IFIH1: variants seen among roughly 807,000 people sequenced by gnomAD.
IFIH1 encodes interferon-induced helicase C domain-containing protein 1.
Under a neutral mutation model 107.4 loss-of-function variants are expected in IFIH1, and 125 were observed. That is an observed-to-expected ratio of 1.16 (90% CI 1.01 to 1.35). The LOEUF (loss-of-function observed/expected upper bound fraction) is 1.35. Among genes scored for constraint, IFIH1 ranks in the 40% most tolerant of loss-of-function variants. The pLI, the probability that IFIH1 is intolerant of heterozygous loss-of-function variation, is 0.00. For synonymous variants in IFIH1, 458 were observed against 413.2 expected (o/e 1.11, Z -1.31); for missense variants, 1,333 against 1,213.7 (o/e 1.10, Z -1.46).
Position 162,314,405 on chromosome 2 carries a change from T to TTC in IFIH1, c.453+3448_453+3449dup, listed in dbSNP as rs1280705332. Among the ~76,000 whole-genome samples, 2 of 73,814 alleles carry TTC rather than the reference T, an allele frequency of 2.7e-5. 1 individual carries two copies. The highest frequency in any genetic ancestry group is 2.0e-4 in the African/African-American group (2 of 9,882). The allele number at this position is 73,814 out of a possible 152,430, so 48.4% of individuals were successfully genotyped here. On this transcript the variant is annotated intron_variant, in intron 1 of 15. Coordinates refer to ENST00000649979, the MANE Select transcript of IFIH1 (RefSeq NM_022168.4). ...CTCCCTCCCTCCCTCCCTCCTTTCT[T>TTC]TCTTTCTTTCTTTTCTTTCTTTCTT...
chr2:162,277,810 TG>T lies in IFIH1; in HGVS notation c.1766-118del, dbSNP rs1682729008. On this transcript the variant is annotated intron_variant, in intron 9 of 15. Transcript: ENST00000649979. The stretch of plus-strand genomic sequence containing the variant: ...AACTGGCTTCACCTTGGTTTTAAAA[TG>T]GGCAAGTTAAGGCTCAAAATGTGTC... 6 of 1,269,132 alleles carry T rather than the reference TG, an allele frequency of 4.7e-6. No homozygotes were observed. In the South Asian group the frequency reaches 7.9e-5, roughly 17 times the overall value. The allele number at this position is 1,269,132 out of a possible 1,614,324, so 78.6% of individuals were successfully genotyped here. A position where few individuals can be genotyped will look rare whatever the true frequency, so the allele number is the denominator to read the frequency against.
chr2:162,283,184 AGAAGCAACAGGCCCACAGGACCG>A (rs1162586685), intron 5 of IFIH1, among the ~76,000 whole-genome samples: 1 of 151,982 alleles, frequency 6.6e-6, no homozygotes, highest in Admixed American at 6.6e-5. Context: ...GGATTAGACC[AGAAGCAACAGGCCCACAGGACCG>A]GAAGAATCAG....
chr2:162,300,526 G>T (rs1171603715), intron 3 of IFIH1, among the ~76,000 whole-genome samples: 1 of 152,086 alleles, frequency 6.6e-6, no homozygotes, highest in Non-Finnish European at 1.5e-5. Flanking sequence ...CCTCATGCTA[G>T]GTTTCAAATA....
At chr2:162,305,059 C>A (rs571123739) in intron 3 of IFIH1, among the ~76,000 whole-genome samples, 1 of 152,182 alleles carries the variant, frequency 6.6e-6, no homozygotes, top group South Asian at 2.1e-4. Flanking sequence ...AATGGTGGGA[C>A]CATTATTTAG....
intron 4 of IFIH1, among the ~76,000 whole-genome samples, chr2:162,288,971 T>A (rs1358634632): frequency 6.7e-6 from 1 of 150,098 alleles, no homozygotes; most frequent in Non-Finnish European, 1.5e-5. Context: ...ACCCTATCTA[T>A]CTCAAGTTCC....
chr2:162,278,677 A>C (rs566702802), intron 8 of IFIH1, among the ~76,000 whole-genome samples: 3 of 152,178 alleles, frequency 2.0e-5, no homozygotes, highest in African/African-American at 7.2e-5. Context: ...TTACAGTGTA[A>C]TTTAAGAAAC....
rs570635028 is a variant in IFIH1 at position 162,311,371 on chromosome 2, G to C, written c.454-438C>G. On this transcript the variant is annotated intron_variant, in intron 1 of 15. Transcript: ENST00000649979. ...TTCAATCTATGGAGTCTGTAAATGG[G>C]AAATCAAACATTTCTTATCTCCTTT... 1.4e-4 allele frequency among the ~76,000 whole-genome samples: 21 copies of C among 151,986 alleles called. No individual in the cohort carries two copies. The South Asian group carries it at 4.4e-3, about 32-fold the overall frequency.
chr2:162,314,416 T>TTTCTTTCTTTCTTTTCTTTC (rs71009355), intron 1 of IFIH1, among the ~76,000 whole-genome samples: 11 of 51,458 alleles, frequency 2.1e-4, no homozygotes, highest in African/African-American at 1.1e-3. Flanking sequence ...TCTTTCTTTC[T>TTTCTTTCTTTCTTTTCTTTC]TTTCTTTCTT....
chr2:162,314,368 T>TCCCTCCCTCCCTCCC (rs1683433246), intron 1 of IFIH1, among the ~76,000 whole-genome samples: 2 of 88,608 alleles, frequency 2.3e-5, no homozygotes, highest in African/African-American at 9.2e-5. Context: ...TCTTCCTTCC[T>TCCCTCCCTCCCTCCC]TCCCTCCCTC....
intron 4 of IFIH1, among the ~76,000 whole-genome samples, chr2:162,289,781 G>A (rs769998769): frequency 3.3e-5 from 5 of 151,828 alleles, no homozygotes; most frequent in Admixed American, 6.6e-5. Flanking sequence ...TTAAGCTATC[G>A]TTGGATCATC....
chr2:162,297,196 G>A (rs899044043), intron 3 of IFIH1, among the ~76,000 whole-genome samples: 9 of 152,066 alleles, frequency 5.9e-5, no homozygotes, highest in South Asian at 2.1e-4. Flanking sequence ...AAGTGTTTGC[G>A]TGAAGCCAAA....
chr2:162,284,878 A>G (rs910309761), intron 5 of IFIH1, among the ~76,000 whole-genome samples: 1 of 152,042 alleles, frequency 6.6e-6, no homozygotes, highest in African/African-American at 2.4e-5. Context: ...TCTCTGTATT[A>G]TGGAGTGACA....
chr2:162,294,649 C>T (rs1179338552), intron 3 of IFIH1, among the ~76,000 whole-genome samples: 1 of 151,842 alleles, frequency 6.6e-6, no homozygotes, highest in Admixed American at 6.6e-5. Flanking sequence ...AAGCTCTTGG[C>T]ACAGGACTTT....
intron 1 of IFIH1, among the ~76,000 whole-genome samples, chr2:162,315,247 A>G (rs1338878642): frequency 6.6e-6 from 1 of 152,248 alleles, no homozygotes; most frequent in Admixed American, 6.5e-5. Flanking sequence ...TCAATACGTC[A>G]TGTGTTTTCA....
intron 13 of IFIH1, among the ~76,000 whole-genome samples, chr2:162,271,298 T>A (rs1156583406): frequency 6.6e-6 from 1 of 152,132 alleles, no homozygotes; most frequent in African/African-American, 2.4e-5. Context: ...TGAGTTCATG[T>A]CCTTTGTAGG....
chr2:162,312,160 T>A (rs1437363891), intron 1 of IFIH1, among the ~76,000 whole-genome samples: 12 of 152,214 alleles, frequency 7.9e-5, no homozygotes, highest in Non-Finnish European at 7.4e-5. Context: ...TAACCTTTTA[T>A]GTCAGAAATT....
intron 4 of IFIH1, among the ~76,000 whole-genome samples, chr2:162,288,921 A>G (rs1293685068): frequency 8.2e-6 from 1 of 121,884 alleles, no homozygotes; most frequent in Non-Finnish European, 1.5e-5. Flanking sequence ...CAAAAAGCAC[A>G]CACACACACA....
intron 5 of IFIH1, among the ~76,000 whole-genome samples, chr2:162,284,893 A>C (rs894939160): frequency 1.3e-5 from 2 of 151,968 alleles, no homozygotes; most frequent in Non-Finnish European, 2.9e-5. Context: ...GTGACATTGC[A>C]CCACAAAATT....
chr2:162,313,325 A>C (rs1341319223), intron 1 of IFIH1, among the ~76,000 whole-genome samples: 1 of 152,242 alleles, frequency 6.6e-6, no homozygotes, highest in Non-Finnish European at 1.5e-5. Flanking sequence ...TTGAGACTGC[A>C]ACAAGTCATA....
Sources: gnomAD v4.1 joint callset for allele counts (sites outside exome capture counted in the v4.1 genomes callset) on GRCh38, gnomAD v4.1.1 for gene constraint, MANE v1.5 for transcripts, NCBI Gene and HGNC (gene_info 2026-07-23, HGNC 2026-07-21) for gene names.